The following PPP3CA variants were observed in gnomAD, a reference collection of about 807,000 sequenced individuals.
PPP3CA encodes protein phosphatase 3 catalytic subunit alpha, also known as CAM-PRP catalytic subunit.
In PPP3CA, 14 loss-of-function variants were observed where a neutral mutation model predicts 66.5. That is an observed-to-expected ratio of 0.21 (90% CI 0.14 to 0.33). The LOEUF (loss-of-function observed/expected upper bound fraction) is 0.33, where lower values mean the gene tolerates loss of function less well. Among genes scored for constraint, PPP3CA ranks in the 10% least tolerant of loss-of-function variants. PPP3CA has a pLI of 1.00. For missense variants in PPP3CA, 317 were observed against 639.5 expected (o/e 0.50, Z 5.44); for synonymous variants, 232 against 226.2 (o/e 1.03, Z -0.23).
At chr4:101,112,540 A>T (rs749012423) in intron 2 of PPP3CA, among the ~76,000 whole-genome samples, 11 of 152,192 alleles carry the variant, frequency 7.2e-5, no homozygotes, top group Non-Finnish European at 1.3e-4. Context: ...TGTTCAGTAA[A>T]GGAAAATGAC....
At chr4:101,335,624 A>G (rs1729604961) in intron 1 of PPP3CA, among the ~76,000 whole-genome samples, 1 of 152,274 alleles carries the variant, frequency 6.6e-6, no homozygotes, top group African/African-American at 2.4e-5. Context: ...ATAACAAGGG[A>G]ATTTCAATGG....
At chr4:101,038,631 G>A (rs2110209782) in intron 11 of PPP3CA, among the ~76,000 whole-genome samples, 1 of 152,056 alleles carries the variant, frequency 6.6e-6, no homozygotes, top group South Asian at 2.1e-4. Flanking sequence ...GCCTCCCAAA[G>A]TGCTGGGATT....
chr4:101,177,630 T>A (rs1724104919), intron 2 of PPP3CA, among the ~76,000 whole-genome samples: 1 of 152,088 alleles, frequency 6.6e-6, no homozygotes, highest in Non-Finnish European at 1.5e-5. Flanking sequence ...AAATGAAAAG[T>A]GGAATTCAGG....
intron 2 of PPP3CA, among the ~76,000 whole-genome samples, chr4:101,128,850 G>T (rs1560616787): frequency 6.6e-6 from 1 of 152,116 alleles, no homozygotes; most frequent in Non-Finnish European, 1.5e-5. Context: ...CTAGCTGCAG[G>T]AGTTTTTTTT....
intron 2 of PPP3CA, among the ~76,000 whole-genome samples, chr4:101,129,870 A>C (rs1722371733): frequency 6.6e-6 from 1 of 152,136 alleles, no homozygotes; most frequent in Non-Finnish European, 1.5e-5. Flanking sequence ...CTCACCAGCA[A>C]GGGAACAAAG....
At chr4:101,032,399 A>C (rs752231904) in intron 11 of PPP3CA, 35 bp from the exon 12 acceptor site, 8 of 1,542,386 alleles carry the variant, frequency 5.2e-6, no homozygotes, top group Non-Finnish European at 6.2e-6. Flanking sequence ...ATTAACTTTT[A>C]ATTTCTTTTG....
At chr4:101,172,426 C>T (rs185582815) in intron 2 of PPP3CA, among the ~76,000 whole-genome samples, 10 of 152,204 alleles carry the variant, frequency 6.6e-5, no homozygotes, top group Admixed American at 6.5e-4. Flanking sequence ...GTTGGTGCTA[C>T]ATTAATTACC....
chr4:101,097,750 C>G (rs1261371509), intron 5 of PPP3CA, among the ~76,000 whole-genome samples: 1 of 152,096 alleles, frequency 6.6e-6, no homozygotes, highest in East Asian at 1.9e-4. Flanking sequence ...GAGACACAAT[C>G]CACTTCCACA....
chr4:101,123,768 T>G (rs1055799077), intron 2 of PPP3CA, among the ~76,000 whole-genome samples: 1 of 152,152 alleles, frequency 6.6e-6, no homozygotes, highest in Non-Finnish European at 1.5e-5. Context: ...AGAGGAGCCA[T>G]GGAAGAAAAA....
At chr4:101,033,292 AAACACACACACACACACAC>A in intron 11 of PPP3CA, among the ~76,000 whole-genome samples, 1 of 88,180 alleles carries the variant, frequency 1.1e-5, no homozygotes, top group Non-Finnish European at 2.4e-5. Flanking sequence ...ACACACACAC[AAACACACACACACACACAC>A]ACACACACAC....
At position 101,291,603 on chromosome 4, in the gene PPP3CA, C is replaced by A. The variant is rs113841587; in HGVS notation, c.58+55136G>T. On this transcript the variant is annotated intron_variant, in intron 1 of 13. Coordinates refer to ENST00000394854, the MANE Select transcript of PPP3CA (RefSeq NM_000944.5). ...CTAACAAATGTTTAGCAGACACTGACAAACACTGAGAATAAGATTAATAAC... is the reference window on the plus strand; with the variant it reads ...CTAACAAATGTTTAGCAGACACTGAAAAACACTGAGAATAAGATTAATAAC... 8.8e-3 allele frequency among the ~76,000 whole-genome samples: 1,346 copies of A among 152,316 alleles called. 19 individuals carry two copies. Among genetic ancestry groups the A allele is most frequent in the African/African-American group, 0.031 (1,283 of 41,560 alleles).
chr4:101,025,851 T>TTTA lies in PPP3CA; in HGVS notation c.*13_*14insTAA. The TTTA allele has an allele frequency of 1.1e-6, 1 of 945,646 alleles. No individual in the cohort carries two copies. The allele number at this position is 945,646 out of a possible 1,614,324, so 58.6% of individuals were successfully genotyped here. On this transcript the variant is annotated 3_prime_UTR_variant, in exon 14 of 14. Transcript: ENST00000394854. ...AAAAAAAAAAAAAAAAAAAAAAAAGTGAACAGGAAGTGGTCACTGAATATT... is the reference window on the plus strand; with the variant it reads ...AAAAAAAAAAAAAAAAAAAAAAAAGTTTAGAACAGGAAGTGGTCACTGAATATT...
rs116902808 is a variant in PPP3CA at position 101,059,229 on chromosome 4, T to C, written c.1156+1858A>G. Among the ~76,000 whole-genome samples, 126 of 152,244 alleles carry C rather than the reference T, an allele frequency of 8.3e-4. 1 individual carries two copies. The East Asian group carries it at 0.02, about 25-fold the overall frequency. On this transcript the variant is annotated intron_variant, in intron 10 of 13. Transcript: ENST00000394854. The stretch of plus-strand genomic sequence containing the variant: ...ACATATGAAACATCTAGAATTTAGA[T>C]AAAGCACAAAATGTCCATTGATCTC...
At chr4:101,338,753 T>A (rs972879201) in intron 1 of PPP3CA, among the ~76,000 whole-genome samples, 19 of 152,184 alleles carry the variant, frequency 1.2e-4, no homozygotes, top group Non-Finnish European at 2.4e-4. Flanking sequence ...GGAGAACATT[T>A]GTTATCCCAA....
At chr4:101,134,059 C>T (rs1471634850) in intron 2 of PPP3CA, among the ~76,000 whole-genome samples, 1 of 152,150 alleles carries the variant, frequency 6.6e-6, no homozygotes, top group South Asian at 2.1e-4. Flanking sequence ...AAAACTGAAA[C>T]TGGACCTCTT....
chr4:101,209,550 C>A (rs1344545050), intron 1 of PPP3CA, among the ~76,000 whole-genome samples: 1 of 152,102 alleles, frequency 6.6e-6, no homozygotes, highest in Admixed American at 6.5e-5. Context: ...AGAATCACGA[C>A]AAGAAGCCAT....
intron 1 of PPP3CA, among the ~76,000 whole-genome samples, chr4:101,313,871 A>G (rs1184107648): frequency 6.6e-6 from 1 of 152,224 alleles, no homozygotes; most frequent in African/African-American, 2.4e-5. Flanking sequence ...GGTTGTGAAT[A>G]TGAGGAATAA....
chr4:101,216,873 A>G (rs1005436841), intron 1 of PPP3CA, among the ~76,000 whole-genome samples: 3 of 152,104 alleles, frequency 2.0e-5, no homozygotes, highest in African/African-American at 7.2e-5. Flanking sequence ...TACTTCTTAC[A>G]GTTAAATAAA....
chr4:101,334,504 G>A (rs1729564908), intron 1 of PPP3CA, among the ~76,000 whole-genome samples: 1 of 152,006 alleles, frequency 6.6e-6, no homozygotes, highest in Non-Finnish European at 1.5e-5. Context: ...CTCTCAAAAA[G>A]GCTCCTGAAT....
Sources: allele counts gnomAD v4.1 joint callset (sites outside exome capture counted in the v4.1 genomes callset), GRCh38; gene constraint gnomAD v4.1.1; transcripts MANE v1.5; gene names NCBI Gene and HGNC (gene_info 2026-07-23, HGNC 2026-07-21).